DSCAML1: variants seen among roughly 807,000 people sequenced by gnomAD.
DSCAML1 encodes the protein DS cell adhesion molecule like 1.
In DSCAML1, 38 loss-of-function variants were observed where a neutral mutation model predicts 200.5. That is an observed-to-expected ratio of 0.19 (90% CI 0.15 to 0.25). The LOEUF (loss-of-function observed/expected upper bound fraction) is 0.25, where lower values mean the gene tolerates loss of function less well. Among genes scored for constraint, DSCAML1 ranks in the 10% least tolerant of loss-of-function variants. The pLI is 1.00. For missense variants in DSCAML1, 2,223 were observed against 2,858.8 expected (o/e 0.78, Z 5.07); for synonymous variants, 1,215 against 1,165.0 (o/e 1.04, Z -0.87).
At chr11:117,439,992 G>A (rs2048010407) in intron 21 of DSCAML1, 56 bp from the exon 22 acceptor site, 1 of 1,470,718 alleles carries the variant, frequency 6.8e-7, no homozygotes, top group Admixed American at 1.7e-5. Flanking sequence ...CAATATCCTG[G>A]CCTCCTTCCT....
intron 1 of DSCAML1, among the ~76,000 whole-genome samples, chr11:117,807,482 C>T (rs558014250): frequency 6.6e-6 from 1 of 152,322 alleles, no homozygotes; most frequent in Non-Finnish European, 1.5e-5. Flanking sequence ...GAGCCAAGAA[C>T]CTGGAGTCAG....
intron 3 of DSCAML1, among the ~76,000 whole-genome samples, chr11:117,737,044 A>T (rs1660756197): frequency 6.6e-6 from 1 of 152,156 alleles, no homozygotes; most frequent in African/African-American, 2.4e-5. Flanking sequence ...TGCTATACAC[A>T]GTGTGGGTAT....
chr11:117,675,875 T>C (rs1191534891), intron 3 of DSCAML1, among the ~76,000 whole-genome samples: 4 of 152,294 alleles, frequency 2.6e-5, no homozygotes, highest in South Asian at 2.1e-4. Context: ...CCTGGTGAAA[T>C]GCAAACTGCA....
At chr11:117,625,194 TGA>T (rs2052018008) in intron 3 of DSCAML1, among the ~76,000 whole-genome samples, 1 of 151,386 alleles carries the variant, frequency 6.6e-6, no homozygotes, top group African/African-American at 2.4e-5. Context: ...GTTGCTGGAG[TGA>T]GGAGTCCAGT....
chr11:117,660,619 T>A (rs961878583), intron 3 of DSCAML1, among the ~76,000 whole-genome samples: 2 of 152,144 alleles, frequency 1.3e-5, no homozygotes, highest in Non-Finnish European at 2.9e-5. Flanking sequence ...GGATTTTAAT[T>A]AAAATGTAAA....
chr11:117,606,399 G>T (rs1591315535), intron 3 of DSCAML1, among the ~76,000 whole-genome samples: 1 of 152,148 alleles, frequency 6.6e-6, no homozygotes, highest in South Asian at 2.1e-4. Context: ...CAAACTTCCT[G>T]CTCCGCTTGT....
At chr11:117,674,387 C>CCCA (rs1444781977) in intron 3 of DSCAML1, among the ~76,000 whole-genome samples, 2 of 152,064 alleles carry the variant, frequency 1.3e-5, no homozygotes, top group Non-Finnish European at 2.9e-5. Context: ...TGAAGCAGTA[C>CCCA]CCACGTTCTA....
intron 3 of DSCAML1, among the ~76,000 whole-genome samples, chr11:117,594,929 AC>A (rs2051332292): frequency 6.6e-6 from 1 of 151,710 alleles, no homozygotes; most frequent in African/African-American, 2.4e-5. Context: ...CCTCATTGTT[AC>A]CTCTGTCAAG....
At chr11:117,431,422 T>C (rs957181267) in intron 31 of DSCAML1, 112 bp downstream of exon 31, 3 of 1,017,794 alleles carry the variant, frequency 2.9e-6, no homozygotes, top group Non-Finnish European at 4.2e-6. Context: ...AACTGACTTG[T>C]GCCTTGGGCC....
At chr11:117,532,565 G>T (rs767329925) in intron 3 of DSCAML1, 43 bp from the exon 4 acceptor site, 1 of 1,591,910 alleles carries the variant, frequency 6.3e-7, no homozygotes, top group Non-Finnish European at 8.6e-7. Flanking sequence ...TCCCGGTTTC[G>T]TACAGCCTCA....
In DSCAML1 at chr11:117,435,657, C is replaced by T. The variant is rs2047900332; in HGVS notation, c.4863G>A (p.Leu1621=). ...AAGCTCCCCCACCTCGGAGTCGCTTCAGCCGTTTCTCCTTCCTCTTCTTGC... is the reference window on the plus strand; with the variant it reads ...AAGCTCCCCCACCTCGGAGTCGCTTTAGCCGTTTCTCCTTCCTCTTCTTGC... ...IVRKKRKEKR[L]KRLRDAKSLA... The change falls in exon 27 of 33, where the codon CTG becomes CTA. Residue 1621 remains leucine (L), a synonymous_variant. Coordinates refer to ENST00000651296, the MANE Select transcript of DSCAML1 (RefSeq NM_020693.4). 2 of 1,598,266 alleles carry T rather than the reference C, an allele frequency of 1.3e-6. No individual in the cohort carries two copies. The highest frequency in any genetic ancestry group is 2.7e-5 in the African/African-American group (2 of 74,678).
intron 3 of DSCAML1, among the ~76,000 whole-genome samples, chr11:117,660,983 G>A (rs765600575): frequency 1.3e-5 from 2 of 152,212 alleles, no homozygotes; most frequent in Admixed American, 6.5e-5. Context: ...TAGACAAATA[G>A]TGCAGAAGAG....
intron 3 of DSCAML1, among the ~76,000 whole-genome samples, chr11:117,663,573 A>T (rs1203109216): frequency 6.6e-6 from 1 of 152,066 alleles, no homozygotes; most frequent in Non-Finnish European, 1.5e-5. Flanking sequence ...GAGTGAACCC[A>T]GTCTCTTCCA....
intron 3 of DSCAML1, among the ~76,000 whole-genome samples, chr11:117,693,768 G>A (rs1469920846): frequency 6.6e-6 from 1 of 152,050 alleles, no homozygotes; most frequent in African/African-American, 2.4e-5. Flanking sequence ...TCATATTACA[G>A]GTGAAGAAAC....
intron 3 of DSCAML1, among the ~76,000 whole-genome samples, chr11:117,651,858 G>A (rs145845309): frequency 7.9e-5 from 12 of 151,850 alleles, no homozygotes; most frequent in East Asian, 5.8e-4. Flanking sequence ...ATGTCTCCCC[G>A]AGCCTCTGCA....
intron 3 of DSCAML1, among the ~76,000 whole-genome samples, chr11:117,699,847 G>A (rs1012778572): frequency 1.3e-5 from 2 of 152,178 alleles, no homozygotes; most frequent in African/African-American, 2.4e-5. Context: ...AAGACATGCT[G>A]GACATACACA....
At chr11:117,724,241 G>A (rs1260811978) in intron 3 of DSCAML1, among the ~76,000 whole-genome samples, 1 of 152,208 alleles carries the variant, frequency 6.6e-6, no homozygotes, top group African/African-American at 2.4e-5. Flanking sequence ...GGGGCAGCAT[G>A]CACTTCGCTG....
intron 1 of DSCAML1, among the ~76,000 whole-genome samples, chr11:117,807,618 C>T (rs1339721859): frequency 1.3e-5 from 2 of 152,152 alleles, no homozygotes; most frequent in South Asian, 2.1e-4. Context: ...AAGTTTTCTC[C>T]GCAGAGTTGT....
chr11:117,810,504 C>G (rs553227828), intron 1 of DSCAML1, among the ~76,000 whole-genome samples: 2 of 152,220 alleles, frequency 1.3e-5, no homozygotes, highest in South Asian at 4.1e-4. Flanking sequence ...ACCCCCACCC[C>G]CTTCTCCGTA....
Sources: allele counts gnomAD v4.1 joint callset (sites outside exome capture counted in the v4.1 genomes callset), GRCh38; gene constraint gnomAD v4.1.1; transcripts MANE v1.5; gene names NCBI Gene and HGNC (gene_info 2026-07-23, HGNC 2026-07-21).